ATF1: variants seen among roughly 807,000 people sequenced by gnomAD.
ATF1 encodes cyclic AMP-dependent transcription factor ATF-1.
ATF1 carries 16 observed loss-of-function variants against 34.7 expected under a neutral mutation model. The ratio of observed to expected loss-of-function variants is 0.46; its 90% CI spans 0.31 to 0.70. The LOEUF is 0.70. Ranked by LOEUF, ATF1 falls within the 30% of genes least tolerant of loss-of-function variation. The probability of loss-of-function intolerance (pLI) is 0.05; values close to 1 mark genes in which losing one functional copy is unlikely to be tolerated. For synonymous variants in ATF1, 105 were observed against 113.1 expected (o/e 0.93, Z 0.46); for missense variants, 255 against 321.6 (o/e 0.79, Z 1.58).
chr12:50,814,353 G>A lies in ATF1; in HGVS notation c.585G>A (p.Val195=), dbSNP rs1941799352. 3 of 1,613,978 alleles carry A rather than the reference G, an allele frequency of 1.9e-6. No individual in the cohort carries two copies. The highest frequency in any genetic ancestry group is 2.7e-5 in the African/African-American group (2 of 74,918). The change falls in exon 6 of 7, where the codon GTG becomes GTA. Residue 195 remains valine, a synonymous_variant. Coordinates refer to ENST00000262053, the MANE Select transcript of ATF1 (RefSeq NM_005171.5). ...PSATSLPQTV[V]MTSPVTLTSQ... Reference sequence around the variant, plus strand: ...CTACTTCTCTGCCACAAACTGTGGTGATGACATCTCCTGTGACTCTCACCT... The same window carrying A: ...CTACTTCTCTGCCACAAACTGTGGTAATGACATCTCCTGTGACTCTCACCT...
At chr12:50,788,132 G>A in intron 2 of ATF1, 2 of 427,800 alleles carry the variant, frequency 4.7e-6, no homozygotes, top group South Asian at 3.5e-5. Context: ...TGTGTAAAAT[G>A]TGGCTGATAG....
At chr12:50,794,543 C>T (rs1244230543) in intron 2 of ATF1, among the ~76,000 whole-genome samples, 31 of 149,612 alleles carry the variant, frequency 2.1e-4, no homozygotes, top group African/African-American at 6.6e-4. Context: ...CCAGCCTGGG[C>T]GACACAGTGA....
chr12:50,791,448 C>CT (rs1444310925), intron 2 of ATF1, among the ~76,000 whole-genome samples: 2 of 152,018 alleles, frequency 1.3e-5, no homozygotes, highest in Non-Finnish European at 2.9e-5. Flanking sequence ...CCCAGCTACT[C>CT]TGGAGGCTGA....
chr12:50,810,672 G>A (rs1941718567), intron 4 of ATF1, among the ~76,000 whole-genome samples: 1 of 152,094 alleles, frequency 6.6e-6, no homozygotes, highest in South Asian at 2.1e-4. Flanking sequence ...GAATTTACTT[G>A]TGCTGCCCAT....
chr12:50,795,697 T>G (rs990638066), intron 2 of ATF1, among the ~76,000 whole-genome samples: 9 of 152,344 alleles, frequency 5.9e-5, no homozygotes, highest in African/African-American at 1.7e-4. Context: ...GCTCTGGGCC[T>G]GCTATATTTG....
In ATF1 at chr12:50,809,600, G is replaced by A. The variant is rs1409179911; in HGVS notation, c.328+11G>A. 1 of 1,598,038 alleles carries A rather than the reference G, an allele frequency of 6.3e-7. No individual in the cohort carries two copies. Among genetic ancestry groups the A allele is most frequent in the Admixed American group, 1.8e-5 (1 of 56,968 alleles). ...GCAGCGGACAGTACAGTATGTATAG[G>A]AATCAGTTTCCACATTATAAACACA... On this transcript the variant is annotated intron_variant, in intron 4 of 6. Coordinates refer to ENST00000262053, the MANE Select transcript of ATF1 (RefSeq NM_005171.5).
intron 3 of ATF1, among the ~76,000 whole-genome samples, chr12:50,808,328 T>C (rs115337741): frequency 0.01 from 1,578 of 152,084 alleles, 28 homozygotes; most frequent in African/African-American, 0.036. Flanking sequence ...TTTTTTTTTG[T>C]TTGTTTTTGT....
chr12:50,772,872 A>C (rs1940811454), intron 1 of ATF1, among the ~76,000 whole-genome samples: 1 of 152,040 alleles, frequency 6.6e-6, no homozygotes, highest in Non-Finnish European at 1.5e-5. Flanking sequence ...CCTAGGTATT[A>C]AGCGCAGCAT....
chr12:50,815,985 A>G (rs1941835681), intron 6 of ATF1, among the ~76,000 whole-genome samples: 1 of 152,232 alleles, frequency 6.6e-6, no homozygotes, highest in Admixed American at 6.5e-5. Context: ...AAGAAAAAAT[A>G]TCACATTCTC....
intron 1 of ATF1, among the ~76,000 whole-genome samples, chr12:50,774,126 G>A (rs538013730): frequency 7.2e-4 from 110 of 152,058 alleles, no homozygotes; most frequent in Non-Finnish European, 6.9e-4. Context: ...TTGCTTCCTG[G>A]GTTCAAGCAA....
intron 1 of ATF1, among the ~76,000 whole-genome samples, chr12:50,772,679 TC>T (rs1940805726): frequency 1.2e-5 from 1 of 82,920 alleles, no homozygotes; most frequent in African/African-American, 3.7e-5. Context: ...TATATTTTTC[TC>T]TCTCTCTCTC....
At position 50,820,231 on chromosome 12, in the gene ATF1, A is replaced by G. The variant is rs1357864052; in HGVS notation, c.*452A>G. ...AATTCTAAATTACAAAGGTAAGAGA[A>G]AACCTAGTACATTACTAAATATATA... On this transcript the variant is annotated 3_prime_UTR_variant, in exon 7 of 7. Coordinates refer to ENST00000262053, the MANE Select transcript of ATF1 (RefSeq NM_005171.5). 1 of 203,042 alleles carries G rather than the reference A, an allele frequency of 4.9e-6. No individual in the cohort carries two copies. The highest frequency in any genetic ancestry group is 1.0e-5 in the Non-Finnish European group (1 of 99,152). The allele number at this position is 203,042 out of a possible 1,614,324, so 12.6% of individuals were successfully genotyped here.
chr12:50,807,461 T>G (rs1941638192), intron 3 of ATF1, among the ~76,000 whole-genome samples: 1 of 152,016 alleles, frequency 6.6e-6, no homozygotes, highest in African/African-American at 2.4e-5. Flanking sequence ...TGGAACCAGT[T>G]TTGGACCCAA....
At chr12:50,774,753 T>G (rs1441879359) in intron 1 of ATF1, among the ~76,000 whole-genome samples, 3 of 109,986 alleles carry the variant, frequency 2.7e-5, no homozygotes, top group Non-Finnish European at 4.8e-5. Flanking sequence ...TTTGTTTTTG[T>G]TTTTTTTTTT....
chr12:50,810,219 CTTTT>C (rs34461103), intron 4 of ATF1, among the ~76,000 whole-genome samples: 1 of 127,438 alleles, frequency 7.8e-6, no homozygotes. Context: ...ACATTCCTGG[CTTTT>C]TTTTTTTTTT....
intron 3 of ATF1, among the ~76,000 whole-genome samples, chr12:50,800,877 A>G: frequency 6.6e-6 from 1 of 152,200 alleles, no homozygotes; most frequent in East Asian, 1.9e-4. Context: ...AGGCAGGTAG[A>G]TCACCTGAGG....
chr12:50,818,082 A>G (rs898416741), intron 6 of ATF1, among the ~76,000 whole-genome samples: 125 of 152,140 alleles, frequency 8.2e-4, no homozygotes, highest in African/African-American at 2.9e-3. Flanking sequence ...ATGAATATAA[A>G]TTGGCACTAT....
intron 2 of ATF1, among the ~76,000 whole-genome samples, chr12:50,790,272 A>C (rs888442685): frequency 2.1e-5 from 3 of 145,270 alleles, no homozygotes; most frequent in Non-Finnish European, 4.5e-5. Context: ...TGGCGCAATC[A>C]CAGCTCACCA....
chr12:50,808,838 C>T (rs1370443090), intron 3 of ATF1, among the ~76,000 whole-genome samples: 2 of 151,654 alleles, frequency 1.3e-5, no homozygotes, highest in African/African-American at 4.8e-5. Context: ...CTCCGGAATT[C>T]AAGCGATCCT....
Sources: allele counts gnomAD v4.1 joint callset (sites outside exome capture counted in the v4.1 genomes callset), GRCh38; gene constraint gnomAD v4.1.1; transcripts MANE v1.5; gene names NCBI Gene and HGNC (gene_info 2026-07-23, HGNC 2026-07-21).